WWC2: variants seen among roughly 807,000 people sequenced by gnomAD.
The protein encoded by WWC2 is protein WWC2.
Under a neutral mutation model 138.5 loss-of-function variants are expected in WWC2, and 101 were observed. The observed-to-expected ratio is 0.73, with a 90% CI of 0.62 to 0.86. The LOEUF is 0.86. WWC2 is among the 40% of genes least tolerant of loss of function. WWC2 has a pLI of 0.00. For synonymous variants in WWC2, 558 were observed against 538.4 expected, an observed-to-expected ratio of 1.04 and a Z score of -0.50; for missense variants, 1,420 against 1,419.4, an observed-to-expected ratio of 1.00 and a Z score of -0.01.
intron 21 of WWC2, among the ~76,000 whole-genome samples, chr4:183,304,904 A>G (rs1363513868): frequency 6.6e-6 from 1 of 152,206 alleles, no homozygotes; most frequent in African/African-American, 2.4e-5. Context: ...AAGAGGCAAA[A>G]CAAGCATCAG....
intron 1 of WWC2, among the ~76,000 whole-genome samples, chr4:183,182,168 A>G (rs1298574772): frequency 6.6e-6 from 1 of 152,226 alleles, no homozygotes; most frequent in African/African-American, 2.4e-5. Flanking sequence ...TTTTGATAAA[A>G]GTAATACAGG....
chr4:183,279,656 C>T (rs943516774), intron 16 of WWC2, among the ~76,000 whole-genome samples: 1 of 151,928 alleles, frequency 6.6e-6, no homozygotes, highest in Admixed American at 6.6e-5. Context: ...ATTTCAGATC[C>T]TGTTATTGGT....
intron 1 of WWC2, among the ~76,000 whole-genome samples, chr4:183,137,564 T>C (rs929033771): frequency 3.3e-5 from 5 of 151,964 alleles, no homozygotes; most frequent in Non-Finnish European, 7.4e-5. Flanking sequence ...AGTGGCACGA[T>C]CTTGGCTCAC....
intron 17 of WWC2, chr4:183,282,482 GTTTAACTT>G: frequency 1.8e-6 from 1 of 540,656 alleles, no homozygotes; most frequent in Admixed American, 3.4e-5. Context: ...AATTTCATGA[GTTTAACTT>G]TTTAGTACCA....
At chr4:183,174,617 G>T (rs1421246902) in intron 1 of WWC2, among the ~76,000 whole-genome samples, 1 of 152,090 alleles carries the variant, frequency 6.6e-6, no homozygotes. Flanking sequence ...GTGTTTACTG[G>T]AAGTTCTTTA....
rs143445848 is a variant in WWC2 at position 183,109,806 on chromosome 4, A to G, written c.131+10184A>G. Among the ~76,000 whole-genome samples, 570 of 152,196 alleles carry G rather than the reference A, an allele frequency of 3.7e-3. 3 individuals are homozygous for G. Among genetic ancestry groups the G allele is most frequent in the African/African-American group, 0.013 (538 of 41,520 alleles). Reference sequence around the variant, plus strand: ...GTACTGTGTGGGACAAAGGTGAGTCAGACATGGGTGCTGAATTTGAGGAGC... The same window carrying G: ...GTACTGTGTGGGACAAAGGTGAGTCGGACATGGGTGCTGAATTTGAGGAGC... On this transcript the variant is annotated intron_variant, in intron 1 of 22. Transcript: ENST00000403733.
At chr4:183,274,674 A>G (rs569024708) in intron 16 of WWC2, among the ~76,000 whole-genome samples, 3 of 152,202 alleles carry the variant, frequency 2.0e-5, no homozygotes, top group Non-Finnish European at 4.4e-5. Context: ...GCCCCATACA[A>G]CAACATGAAA....
rs960743205 is a variant in WWC2, at chr4:183,162,682, C to A, written c.132-30917C>A. On this transcript the variant is annotated intron_variant, in intron 1 of 22. Transcript: ENST00000403733. ...CAGGAATTTTAGGTTGTCTGAGTCA[C>A]GAGAAACTACCATTATAGTAGTTTC... Among the ~76,000 whole-genome samples, 3 of 152,086 alleles carry A rather than the reference C, an allele frequency of 2.0e-5. No individual in the cohort carries two copies. In the South Asian group the frequency reaches 6.2e-4, roughly 32 times the overall value.
At chr4:183,143,439 A>C (rs926417691) in intron 1 of WWC2, among the ~76,000 whole-genome samples, 4 of 152,192 alleles carry the variant, frequency 2.6e-5, no homozygotes, top group African/African-American at 9.7e-5. Context: ...GTATAGATGA[A>C]CCCTGTTTGG....
At chr4:183,284,170 G>T in intron 18 of WWC2, 56 bp from the exon 19 acceptor site, 1 of 1,590,762 alleles carries the variant, frequency 6.3e-7, no homozygotes, top group South Asian at 1.1e-5. Context: ...TAGAAGAAAG[G>T]AGCATAATGT....
At chr4:183,117,788 A>C (rs1561422149) in intron 1 of WWC2, among the ~76,000 whole-genome samples, 1 of 138,486 alleles carries the variant, frequency 7.2e-6, no homozygotes, top group African/African-American at 2.7e-5. Context: ...TTGATTGGGG[A>C]TCTTTTTTTT....
chr4:183,162,174 G>T (rs1733979799), intron 1 of WWC2, among the ~76,000 whole-genome samples: 1 of 40,532 alleles, frequency 2.5e-5, no homozygotes, highest in South Asian at 1.3e-3. Flanking sequence ...GGCAAACCCT[G>T]TTCAAACTAC....
chr4:183,228,106 A>C (rs1260768919), intron 4 of WWC2, among the ~76,000 whole-genome samples: 6 of 152,066 alleles, frequency 3.9e-5, no homozygotes. Flanking sequence ...GAAAAGTTAA[A>C]AGGACGGGAA....
chr4:183,286,119 G>T (rs1362617084), intron 20 of WWC2, 60 bp downstream of exon 20: 5 of 1,454,766 alleles, frequency 3.4e-6, no homozygotes, highest in Non-Finnish European at 2.8e-6. Flanking sequence ...TGTCACTTGT[G>T]CAGCACAAAC....
intron 1 of WWC2, among the ~76,000 whole-genome samples, chr4:183,117,986 G>T (rs936068624): frequency 2.0e-5 from 3 of 151,808 alleles, no homozygotes; most frequent in Non-Finnish European, 4.4e-5. Context: ...TTTTAGTAGA[G>T]ACGGGGTTTC....
intron 4 of WWC2, among the ~76,000 whole-genome samples, chr4:183,212,829 G>A (rs756023777): frequency 6.6e-5 from 10 of 152,022 alleles, no homozygotes; most frequent in Non-Finnish European, 1.2e-4. Context: ...CTAATGTAGC[G>A]GAATCTCTTA....
At chr4:183,243,912 G>A (rs1247846218) in intron 5 of WWC2, among the ~76,000 whole-genome samples, 4 of 152,074 alleles carry the variant, frequency 2.6e-5, no homozygotes, top group African/African-American at 9.7e-5. Context: ...GCATAAGATA[G>A]TTACTAAAAC....
intron 1 of WWC2, among the ~76,000 whole-genome samples, chr4:183,123,457 C>T (rs1422728573): frequency 2.0e-5 from 3 of 148,486 alleles, no homozygotes; most frequent in Non-Finnish European, 4.5e-5. Context: ...ATTTAAAACC[C>T]CACAAAACTA....
chr4:183,265,766 C>T lies in WWC2; in HGVS notation c.2118C>T (p.Leu706=). ...IVETAQVQIG[L]RYNAKSSSFM... The stretch of plus-strand genomic sequence containing the variant: ...AGACCGCCCAGGTTCAGATAGGACT[C>T]AGGTAAGGAATGTACGTGGGAAAGG... The change falls in exon 13 of 23, where the codon CTC becomes CTT. Residue 706 remains leucine, a splice_region_variant and synonymous_variant. Coordinates refer to ENST00000403733, the MANE Select transcript of WWC2 (RefSeq NM_024949.6). The T allele has an allele frequency of 6.2e-7, 1 of 1,610,824 alleles. No homozygotes were observed. The highest frequency in any genetic ancestry group is 1.1e-5 in the South Asian group (1 of 90,148).
Sources: allele counts gnomAD v4.1 joint callset (sites outside exome capture counted in the v4.1 genomes callset), GRCh38; gene constraint gnomAD v4.1.1; transcripts MANE v1.5; gene names NCBI Gene and HGNC (gene_info 2026-07-23, HGNC 2026-07-21).